DPH6: variants seen among roughly 807,000 people sequenced by gnomAD.
DPH6 encodes diphthamine biosynthesis 6, also known as diphthine--ammonia ligase.
DPH6 carries 33 observed loss-of-function variants against 38.2 expected under a neutral mutation model. The observed-to-expected ratio is 0.86, with a 90% confidence interval of 0.65 to 1.15. DPH6 has a LOEUF of 1.15. Among genes scored for constraint, DPH6 ranks in the 50% most tolerant of loss-of-function variants. The probability of loss-of-function intolerance (pLI) is 0.00; values close to 1 mark genes in which losing one functional copy is unlikely to be tolerated. For missense variants in DPH6, 325 were observed against 320.0 expected (o/e 1.02, Z -0.12); for synonymous variants, 108 against 103.0 (o/e 1.05, Z -0.30).
intron 3 of DPH6, among the ~76,000 whole-genome samples, chr15:35,500,572 G>A (rs73382746): frequency 0.093 from 14,120 of 152,074 alleles, 902 homozygotes; most frequent in African/African-American, 0.18. Context: ...CCATATACTT[G>A]TTGACATGAA....
At chr15:35,381,532 A>G (rs1392661227) in intron 7 of DPH6, among the ~76,000 whole-genome samples, 1 of 152,236 alleles carries the variant, frequency 6.6e-6, no homozygotes, top group African/African-American at 2.4e-5. Context: ...ACACTTCATG[A>G]AAGGATAAAA....
At chr15:35,382,355 A>G (rs1462258835) in intron 6 of DPH6, among the ~76,000 whole-genome samples, 12 of 152,338 alleles carry the variant, frequency 7.9e-5, no homozygotes, top group Non-Finnish European at 1.3e-4. Context: ...AGAATGGCGT[A>G]AACCCGGGAG....
At chr15:35,435,052 G>A (rs1211687722) in intron 5 of DPH6, among the ~76,000 whole-genome samples, 1 of 151,982 alleles carries the variant, frequency 6.6e-6, no homozygotes, top group Admixed American at 6.6e-5. Context: ...GGAATTACAG[G>A]TGTGAGCCAC....
the DPH6 span, among the ~76,000 whole-genome samples, chr15:35,198,981 G>A: frequency 2.6e-5 from 4 of 151,520 alleles, no homozygotes; most frequent in African/African-American, 4.9e-5. Context: ...GTGCAATGGC[G>A]CAATCTCAGC....
chr15:35,411,445 C>G (rs551551069), intron 5 of DPH6, among the ~76,000 whole-genome samples: 1 of 151,698 alleles, frequency 6.6e-6, no homozygotes, highest in African/African-American at 2.4e-5. Context: ...ATGACTCCTT[C>G]GCAACACTGT....
chr15:35,487,258 C>T (rs2054416255), intron 3 of DPH6, among the ~76,000 whole-genome samples: 1 of 152,218 alleles, frequency 6.6e-6, no homozygotes, highest in Non-Finnish European at 1.5e-5. Context: ...AGGCAGTGCC[C>T]CAGTGGGAAC....
intron 7 of DPH6, among the ~76,000 whole-genome samples, chr15:35,374,667 A>G (rs540811780): frequency 4.8e-4 from 73 of 152,270 alleles, no homozygotes; most frequent in African/African-American, 1.5e-3. Context: ...TAGAAAAAAT[A>G]ACATTAAAAA....
At chr15:35,197,433 A>G in the DPH6 span, among the ~76,000 whole-genome samples, 1 of 152,220 alleles carries the variant, frequency 6.6e-6, no homozygotes, top group African/African-American at 2.4e-5. Context: ...ATGGCTTTTT[A>G]GTATAATCCC....
intron 3 of DPH6, among the ~76,000 whole-genome samples, chr15:35,475,438 G>A (rs2054252582): frequency 1.3e-5 from 2 of 151,970 alleles, no homozygotes; most frequent in South Asian, 4.1e-4. Flanking sequence ...TCAGAGCCAG[G>A]ATTCCAAATT....
chr15:35,542,945 A>AACATATATATATATATATATATATAT (rs918808642), intron 1 of DPH6, among the ~76,000 whole-genome samples: 5 of 30,232 alleles, frequency 1.7e-4, no homozygotes, highest in African/African-American at 4.1e-4. Context: ...CCACTTAAGG[A>AACATATATATATATATATATATATAT]ATATATATAT....
At chr15:35,363,015 T>A (rs77707886) in intron 3 of DPH6, among the ~76,000 whole-genome samples, 1 of 152,234 alleles carries the variant, frequency 6.6e-6, no homozygotes, top group East Asian at 1.9e-4. Context: ...ATTCCCTGCA[T>A]ACTTTCATTC....
chr15:35,377,982 G>A (rs1308540403), intron 7 of DPH6, among the ~76,000 whole-genome samples: 2 of 151,408 alleles, frequency 1.3e-5, no homozygotes, highest in Admixed American at 6.6e-5. Flanking sequence ...TGATCTTCTT[G>A]CCCTGCCCTC....
rs374554572 is a variant in DPH6 at position 35,436,287 on chromosome 15, A to C, written c.505+14398T>G. ...CAAGACCATCTTGGCTAACATGGTGAAACCCCGTCTCTACTAAAAATACAA... is the reference window on the plus strand; with the variant it reads ...CAAGACCATCTTGGCTAACATGGTGCAACCCCGTCTCTACTAAAAATACAA... On this transcript the variant is annotated intron_variant, in intron 5 of 8. Coordinates refer to ENST00000256538, the MANE Select transcript of DPH6 (RefSeq NM_080650.4). 4.6e-5 allele frequency among the ~76,000 whole-genome samples: 7 copies of C among 151,320 alleles called. No individual in the cohort carries two copies. In the East Asian group the frequency reaches 5.9e-4, roughly 13 times the overall value.
At chr15:35,496,301 T>C (rs1214416526) in intron 3 of DPH6, among the ~76,000 whole-genome samples, 2 of 151,760 alleles carry the variant, frequency 1.3e-5, no homozygotes, top group Non-Finnish European at 2.9e-5. Context: ...ACGCCTATAA[T>C]CCCAGCACTT....
At chr15:35,479,105 T>C (rs1350798905) in intron 3 of DPH6, among the ~76,000 whole-genome samples, 3 of 152,074 alleles carry the variant, frequency 2.0e-5, no homozygotes, top group African/African-American at 7.2e-5. Context: ...CCATCATCTT[T>C]ATATTCTTCT....
intron 3 of DPH6, among the ~76,000 whole-genome samples, chr15:35,356,636 C>T (rs1000624970): frequency 1.2e-4 from 18 of 152,278 alleles, no homozygotes; most frequent in Admixed American, 7.8e-4. Context: ...CTGATCATTC[C>T]TCTGCAAGTT....
intron 5 of DPH6, among the ~76,000 whole-genome samples, chr15:35,412,224 T>C (rs984296326): frequency 6.6e-6 from 1 of 151,576 alleles, no homozygotes; most frequent in Non-Finnish European, 1.5e-5. Flanking sequence ...TAAAGATATA[T>C]ATAAGCATAT....
At chr15:35,214,439 C>T (rs1266654453), downstream of DPH6, among the ~76,000 whole-genome samples, 1 of 152,122 alleles carries the variant, frequency 6.6e-6, no homozygotes, top group East Asian at 1.9e-4. Context: ...TGCTCAGGCC[C>T]AAAACCTTGG....
intron 3 of DPH6, among the ~76,000 whole-genome samples, chr15:35,502,937 TA>T (rs1456389358): frequency 6.8e-6 from 1 of 147,814 alleles, no homozygotes; most frequent in Admixed American, 6.8e-5. Flanking sequence ...TATATATAAA[TA>T]TATATATACA....
Sources: allele counts gnomAD v4.1 joint callset (sites outside exome capture counted in the v4.1 genomes callset), GRCh38; gene constraint gnomAD v4.1.1; transcripts MANE v1.5; gene names NCBI Gene and HGNC (gene_info 2026-07-23, HGNC 2026-07-21).